GNA11: variants seen among roughly 807,000 people sequenced by gnomAD.
GNA11 encodes G protein subunit alpha 11, also known as guanine nucleotide-binding protein subunit alpha-11.
In GNA11, 8 loss-of-function variants were observed where a neutral mutation model predicts 38.2. The observed-to-expected ratio is 0.21, with a 90% CI of 0.12 to 0.38. The LOEUF (loss-of-function observed/expected upper bound fraction) is 0.38. Ranked by LOEUF, GNA11 falls within the 10% of genes least tolerant of loss-of-function variation. GNA11 has a pLI of 1.00. For synonymous variants in GNA11, 211 were observed against 221.4 expected, an observed-to-expected ratio of 0.95 and a Z score of 0.42; for missense variants, 268 against 516.3, an observed-to-expected ratio of 0.52 and a Z score of 4.66.
At chr19:3,095,962 CAG>C (rs937617166) in intron 1 of GNA11, among the ~76,000 whole-genome samples, 22 of 152,172 alleles carry the variant, frequency 1.4e-4, no homozygotes, top group Non-Finnish European at 3.1e-4. Flanking sequence ...GTTTACAAAA[CAG>C]AAGCTCTTGC....
In GNA11 at chr19:3,119,364, G is replaced by A. The variant is rs768590899; in HGVS notation, c.889+5G>A. On this transcript the variant is annotated splice_donor_5th_base_variant and intron_variant, in intron 6 of 6. Coordinates refer to ENST00000078429, the MANE Select transcript of GNA11 (RefSeq NM_002067.5). This position sits in a 1 kb window ranked among gnomAD's most constrained non-coding sequence, Gnocchi z 4.6. ...ACTACTTCCCCGAGTTCGATGGTGC[G>A]CCGGGCTGCGGCATGGGGAGGGGCT... is the stretch of plus-strand genomic sequence containing the variant. 26 of 1,608,248 alleles carry A rather than the reference G, an allele frequency of 1.6e-5. No individual in the cohort carries two copies. The highest frequency in any genetic ancestry group is 4.1e-5 in the African/African-American group (3 of 73,034).
rs1191676845 is a variant in GNA11 at position 3,123,413 on chromosome 19, A to G, written c.*2234A>G. On this transcript the variant is annotated 3_prime_UTR_variant, in exon 7 of 7. Coordinates refer to ENST00000078429, the MANE Select transcript of GNA11 (RefSeq NM_002067.5). ...CCAGGGCAGGGGTGCCTGCCCCAGG[A>G]GAGTCCCAGGCAGTGGTTCTCGTGC... is the stretch of plus-strand genomic sequence containing the variant. 1 of 232,442 alleles carries G rather than the reference A, an allele frequency of 4.3e-6. No homozygotes were observed. The highest frequency in any genetic ancestry group is 8.5e-6 in the Non-Finnish European group (1 of 118,116). 14.4% of individuals were successfully genotyped at this position (232,442 alleles called of 1,614,324 possible). A position where few individuals can be genotyped will look rare whatever the true frequency, so the allele number is the denominator to read the frequency against.
intron 3 of GNA11, among the ~76,000 whole-genome samples, chr19:3,113,735 C>T (rs1913838606): frequency 6.6e-6 from 1 of 152,230 alleles, no homozygotes; most frequent in Non-Finnish European, 1.5e-5. Context: ...TGCCGCTGCC[C>T]TCCCTGGGTC....
At chr19:3,099,977 C>T (rs1329891702) in intron 1 of GNA11, among the ~76,000 whole-genome samples, 3 of 151,978 alleles carry the variant, frequency 2.0e-5, no homozygotes, top group African/African-American at 7.3e-5. Context: ...GGTGGTGATC[C>T]CCATCCTGCC....
At chr19:3,105,666 C>T (rs541765933) in intron 1 of GNA11, among the ~76,000 whole-genome samples, 103 of 152,296 alleles carry the variant, frequency 6.8e-4, no homozygotes, top group African/African-American at 2.4e-3. Context: ...CACAGACATT[C>T]ATTGCTATGG....
intron 1 of GNA11, among the ~76,000 whole-genome samples, chr19:3,101,165 G>C (rs117837860): frequency 2.6e-5 from 4 of 152,210 alleles, no homozygotes; most frequent in Non-Finnish European, 5.9e-5. Flanking sequence ...GGAGTGGGGT[G>C]GGGGGCTGAA....
rs1008168759 is a variant in GNA11, at chr19:3,120,667, C to A, written c.890-322C>A. ...CTTCGCAGGGCAGCCATGCCAGAGG[C>A]CTGCCCTGGAAGGCTGTGGCTGTGG... On this transcript the variant is annotated intron_variant, in intron 6 of 6. Transcript: ENST00000078429. This position sits in a 1 kb window ranked among gnomAD's most constrained non-coding sequence, Gnocchi z 5.9. Among the ~76,000 whole-genome samples the A allele has an allele frequency of 2.0e-5, 3 of 152,154 alleles. No homozygotes were observed. Among genetic ancestry groups the A allele is most frequent in the African/African-American group, 7.2e-5 (3 of 41,442 alleles).
Position 3,122,311 on chromosome 19 carries a change from G to A in GNA11, c.*1132G>A, listed in dbSNP as rs1252350201. 3 of 232,410 alleles carry A rather than the reference G, an allele frequency of 1.3e-5. No individual in the cohort carries two copies. Among genetic ancestry groups the A allele is most frequent in the Non-Finnish European group, 2.6e-5 (3 of 117,536 alleles). The allele number at this position is 232,410 out of a possible 1,614,324, so 14.4% of individuals were successfully genotyped here. On this transcript the variant is annotated 3_prime_UTR_variant, in exon 7 of 7. Transcript: ENST00000078429. This position sits in a 1 kb window ranked among gnomAD's most constrained non-coding sequence, Gnocchi z 7.7. ...GGCCTTGTCCCAAGCACTTGCGCCC[G>A]CCCCCGAGCGCCGCCCCCGGGGAGC...
rs985804956 is a variant in GNA11, at chr19:3,123,842, C to T, written c.*2663C>T. 5.2e-5 allele frequency: 12 copies of T among 232,186 alleles called. No homozygotes were observed. The highest frequency in any genetic ancestry group is 6.8e-5 in the Non-Finnish European group (8 of 117,454). 14.4% of individuals were successfully genotyped at this position (232,186 alleles called of 1,614,324 possible). A position where few individuals can be genotyped will look rare whatever the true frequency, so the allele number is the denominator to read the frequency against. On this transcript the variant is annotated 3_prime_UTR_variant, in exon 7 of 7. Coordinates refer to ENST00000078429, the MANE Select transcript of GNA11 (RefSeq NM_002067.5). Reference sequence around the variant, plus strand: ...TACCATTTGAAATGCATGTGTTGTGCGCGTTGGGGATGGGAGGAGGGGCTG... The same window carrying T: ...TACCATTTGAAATGCATGTGTTGTGTGCGTTGGGGATGGGAGGAGGGGCTG...
At chr19:3,113,200 T>A in intron 2 of GNA11, 130 bp from the exon 3 acceptor site, 5 of 790,686 alleles carry the variant, frequency 6.3e-6, no homozygotes, top group Non-Finnish European at 1.1e-5. Flanking sequence ...GAACTGTCAG[T>A]GGTCCTGACT....
At position 3,110,062 on chromosome 19, in the gene GNA11, C is replaced by T; in HGVS notation, c.137-87C>T. ...CCTTGGTTTCCTGTGCTGGGTGCTGCAGCACGGCAGGGTCTGGGTAAGAGG... is the reference window on the plus strand; with the variant it reads ...CCTTGGTTTCCTGTGCTGGGTGCTGTAGCACGGCAGGGTCTGGGTAAGAGG... On this transcript the variant is annotated intron_variant, in intron 1 of 6. Coordinates refer to ENST00000078429, the MANE Select transcript of GNA11 (RefSeq NM_002067.5). The surrounding 1 kb of genome is among the most constrained non-coding windows in gnomAD (Gnocchi z 5.4). The T allele has an allele frequency of 2.7e-6, 3 of 1,095,944 alleles. No homozygotes were observed. Among genetic ancestry groups the T allele is most frequent in the East Asian group, 2.6e-5 (1 of 38,462 alleles). 67.9% of individuals were successfully genotyped at this position (1,095,944 alleles called of 1,614,324 possible).
At chr19:3,117,537 A>G (rs946904914) in intron 4 of GNA11, 2 of 137,014 alleles carry the variant, frequency 1.5e-5, no homozygotes, top group African/African-American at 4.9e-5. Context: ...GCCCGCCACC[A>G]CGCCTGGCTA....
intron 4 of GNA11, 53 bp downstream of exon 4, chr19:3,115,125 C>CTGGTGTG: frequency 1.3e-6 from 2 of 1,585,422 alleles, no homozygotes; most frequent in Non-Finnish European, 1.7e-6. Flanking sequence ...GCTCATTTGC[C>CTGGTGTG]CGGTGTGCCG....
chr19:3,104,261 T>A (rs1246659820), intron 1 of GNA11, among the ~76,000 whole-genome samples: 1 of 152,252 alleles, frequency 6.6e-6, no homozygotes, highest in Non-Finnish European at 1.5e-5. Context: ...TCCTCCTGGT[T>A]GGCCTCTCCA....
chr19:3,112,290 A>G (rs1913792670), intron 2 of GNA11, among the ~76,000 whole-genome samples: 1 of 152,140 alleles, frequency 6.6e-6, no homozygotes, highest in African/African-American at 2.4e-5. Flanking sequence ...GGGCAGGGCA[A>G]GGGGAGGGCT....
At position 3,098,219 on chromosome 19, in the gene GNA11, G is replaced by A. The variant is rs143985786; in HGVS notation, c.136+3432G>A. ...TATGCACACTTCTGTCGATGCTGGT[G>A]ACAGCTGTGGATGGGTACAGGAGTG... On this transcript the variant is annotated intron_variant, in intron 1 of 6. Transcript: ENST00000078429. 2.0e-5 allele frequency among the ~76,000 whole-genome samples: 3 copies of A among 152,354 alleles called. No homozygotes were observed. The East Asian group carries it at 5.8e-4, about 29-fold the overall frequency.
intron 1 of GNA11, among the ~76,000 whole-genome samples, chr19:3,095,889 C>A (rs1290414793): frequency 6.6e-6 from 1 of 152,170 alleles, no homozygotes; most frequent in Non-Finnish European, 1.5e-5. Context: ...GGCACACCTG[C>A]TGCAGGGAGC....
rs183606471 is a variant in GNA11, at chr19:3,119,555, G to A, written c.889+196G>A. Among the ~76,000 whole-genome samples, 7 of 149,910 alleles carry A rather than the reference G, an allele frequency of 4.7e-5. No homozygotes were observed. The East Asian group carries it at 9.8e-4, about 21-fold the overall frequency. ...GGGCCTGTACGGGAATGAGTTCTCC[G>A]ACGCGGGTGTCTCATACCCGTGGGA... On this transcript the variant is annotated intron_variant, in intron 6 of 6. Coordinates refer to ENST00000078429, the MANE Select transcript of GNA11 (RefSeq NM_002067.5). This position sits in a 1 kb window ranked among gnomAD's most constrained non-coding sequence, Gnocchi z 4.6.
intron 4 of GNA11, among the ~76,000 whole-genome samples, chr19:3,116,527 A>T (rs1459148259): frequency 1.3e-5 from 2 of 152,180 alleles, no homozygotes; most frequent in African/African-American, 4.8e-5. Flanking sequence ...ATCCTCATGC[A>T]GCGTCCTCCC....
Sources: gnomAD v4.1 joint callset for allele counts (sites outside exome capture counted in the v4.1 genomes callset) on GRCh38, gnomAD v4.1.1 for gene constraint, Gnocchi (gnomAD v3.1) non-coding constraint, MANE v1.5 for transcripts, NCBI Gene and HGNC (gene_info 2026-07-23, HGNC 2026-07-21) for gene names.